SETBP1: variants seen among roughly 807,000 people sequenced by gnomAD.
SETBP1 encodes SET binding protein 1.
In SETBP1, 9 loss-of-function variants were observed where a neutral mutation model predicts 101.0. That is an observed-to-expected ratio of 0.09 (90% confidence interval 0.05 to 0.16). The LOEUF is 0.16. Among genes scored for constraint, SETBP1 ranks in the 10% least tolerant of loss-of-function variants. SETBP1 has a pLI of 1.00. For missense variants in SETBP1, 1,858 were observed against 2,033.8 expected, an observed-to-expected ratio of 0.91 and a Z score of 1.66; for synonymous variants, 818 against 788.5, an observed-to-expected ratio of 1.04 and a Z score of -0.63.
chr18:44,875,287 A>G (rs1230659528), intron 3 of SETBP1, among the ~76,000 whole-genome samples: 1 of 152,072 alleles, frequency 6.6e-6, no homozygotes, highest in Non-Finnish European at 1.5e-5. Context: ...TTGGGAGGCC[A>G]AGGCGGGTGG....
At chr18:45,041,759 C>T (rs2073512605) in intron 5 of SETBP1, among the ~76,000 whole-genome samples, 1 of 152,028 alleles carries the variant, frequency 6.6e-6, no homozygotes, top group Admixed American at 6.6e-5. Context: ...GTCAGGAGTA[C>T]AAAACCAGCC....
At chr18:45,037,680 G>C (rs1355973770) in intron 4 of SETBP1, among the ~76,000 whole-genome samples, 13 of 152,110 alleles carry the variant, frequency 8.5e-5, no homozygotes, top group Admixed American at 8.5e-4. Context: ...TTGTTACACA[G>C]GAAATTTCTA....
chr18:44,890,932 A>G (rs1274089040), intron 3 of SETBP1, among the ~76,000 whole-genome samples: 3 of 152,118 alleles, frequency 2.0e-5, no homozygotes, highest in African/African-American at 7.2e-5. Context: ...ACTAAATGCT[A>G]AAACATTTGA....
chr18:44,801,928 T>C (rs1271024541), intron 2 of SETBP1, among the ~76,000 whole-genome samples: 1 of 152,112 alleles, frequency 6.6e-6, no homozygotes, highest in African/African-American at 2.4e-5. Flanking sequence ...CCACTGGAAA[T>C]GATCCATTTC....
At chr18:44,947,424 G>A (rs2145079123) in intron 3 of SETBP1, among the ~76,000 whole-genome samples, 1 of 151,554 alleles carries the variant, frequency 6.6e-6, no homozygotes, top group South Asian at 2.1e-4. Flanking sequence ...TGGTAGAGGT[G>A]GGAAAAAAAG....
chr18:44,738,203 G>A (rs957686212), intron 2 of SETBP1, among the ~76,000 whole-genome samples: 1 of 152,156 alleles, frequency 6.6e-6, no homozygotes, highest in Non-Finnish European at 1.5e-5. Context: ...AGATGCTGAG[G>A]TCTCCAGTGG....
chr18:44,879,291 A>C (rs1370682200), intron 3 of SETBP1, among the ~76,000 whole-genome samples: 1 of 152,222 alleles, frequency 6.6e-6, no homozygotes, highest in African/African-American at 2.4e-5. Flanking sequence ...CAAACTGATA[A>C]GTTTGAATCA....
At chr18:44,822,718 G>T (rs1568164732) in intron 2 of SETBP1, among the ~76,000 whole-genome samples, 1 of 152,230 alleles carries the variant, frequency 6.6e-6, no homozygotes, top group Non-Finnish European at 1.5e-5. Flanking sequence ...GTTTTGACAG[G>T]TAGCATATGA....
chr18:44,863,359 C>T (rs921181078), intron 2 of SETBP1, among the ~76,000 whole-genome samples: 4 of 152,212 alleles, frequency 2.6e-5, no homozygotes, highest in Non-Finnish European at 5.9e-5. Context: ...GGGTAAGTCA[C>T]TTTATCTTTC....
chr18:44,939,122 T>G (rs1248757667), intron 3 of SETBP1, among the ~76,000 whole-genome samples: 1 of 152,102 alleles, frequency 6.6e-6, no homozygotes, highest in Non-Finnish European at 1.5e-5. Flanking sequence ...ATCTTAAATA[T>G]GAAGTTCAAA....
At position 44,919,869 on chromosome 18, in the gene SETBP1, C is replaced by T. The variant is rs575273134; in HGVS notation, c.541-30012C>T. On this transcript the variant is annotated intron_variant, in intron 3 of 5. Coordinates refer to ENST00000649279, the MANE Select transcript of SETBP1 (RefSeq NM_015559.3). ...AGGTTTGTATGTATGTCAGATATAT[C>T]TCTGTCTGTGTAAACACACACACAT... Among the ~76,000 whole-genome samples, 52 of 152,048 alleles carry T rather than the reference C, an allele frequency of 3.4e-4. 1 individual carries two copies. In the South Asian group the frequency reaches 0.01, roughly 30 times the overall value.
intron 4 of SETBP1, among the ~76,000 whole-genome samples, chr18:44,976,409 G>A (rs937361607): frequency 5.3e-5 from 8 of 152,172 alleles, no homozygotes; most frequent in Non-Finnish European, 1.2e-4. Context: ...GAAAAAGCCA[G>A]TATTAAAAAA....
intron 2 of SETBP1, among the ~76,000 whole-genome samples, chr18:44,819,597 C>T (rs2072060026): frequency 6.6e-6 from 1 of 152,164 alleles, no homozygotes; most frequent in Admixed American, 6.5e-5. Flanking sequence ...GCAGCCTGCT[C>T]ATGGTCCCAT....
intron 5 of SETBP1, among the ~76,000 whole-genome samples, chr18:45,042,543 T>C (rs1270874925): frequency 6.6e-6 from 1 of 152,220 alleles, no homozygotes; most frequent in Non-Finnish European, 1.5e-5. Flanking sequence ...AAATAGGTGA[T>C]CTTTGGTAAA....
At chr18:44,933,939 A>G (rs1355970742) in intron 3 of SETBP1, among the ~76,000 whole-genome samples, 2 of 151,984 alleles carry the variant, frequency 1.3e-5, no homozygotes, top group Non-Finnish European at 2.9e-5. Flanking sequence ...GGCTGCACCC[A>G]CTGTCTGACA....
chr18:44,999,307 T>G (rs1487060722), intron 4 of SETBP1, among the ~76,000 whole-genome samples: 3 of 152,200 alleles, frequency 2.0e-5, no homozygotes, highest in African/African-American at 7.2e-5. Context: ...AAAAAAAGTT[T>G]CCAGGAAGTT....
At chr18:44,806,483 T>A (rs1253899293) in intron 2 of SETBP1, among the ~76,000 whole-genome samples, 1 of 152,152 alleles carries the variant, frequency 6.6e-6, no homozygotes, top group African/African-American at 2.4e-5. Flanking sequence ...GATATCTATA[T>A]ATTTATGTAC....
At chr18:44,837,461 C>A (rs1025556299) in intron 2 of SETBP1, among the ~76,000 whole-genome samples, 1 of 152,150 alleles carries the variant, frequency 6.6e-6, no homozygotes, top group Non-Finnish European at 1.5e-5. Context: ...TTAATGAAAT[C>A]GTTTTTATTT....
At chr18:44,770,907 A>G (rs933003248) in intron 2 of SETBP1, among the ~76,000 whole-genome samples, 5 of 152,118 alleles carry the variant, frequency 3.3e-5, no homozygotes, top group Non-Finnish European at 7.4e-5. Flanking sequence ...TGTCACCGGA[A>G]GGCAATATAG....
Sources: allele counts gnomAD v4.1 joint callset (sites outside exome capture counted in the v4.1 genomes callset), GRCh38; gene constraint gnomAD v4.1.1; transcripts MANE v1.5; gene names NCBI Gene and HGNC (gene_info 2026-07-23, HGNC 2026-07-21).